Variants in SHISA6 observed in about 807,000 individuals in gnomAD.
SHISA6 encodes shisa family member 6, also known as protein shisa-6.
A neutral mutation model predicts 47.9 loss-of-function variants in SHISA6; 22 were observed. The observed-to-expected ratio is 0.46, with a 90% CI of 0.33 to 0.66. SHISA6 has a LOEUF of 0.66. Among genes scored for constraint, SHISA6 ranks in the 30% least tolerant of loss-of-function variants. The pLI, the probability that SHISA6 is intolerant of heterozygous loss-of-function variation, is 0.02. For missense variants in SHISA6, 680 were observed against 764.6 expected (o/e 0.89, Z 1.30); for synonymous variants, 388 against 337.8 (o/e 1.15, Z -1.63).
intron 2 of SHISA6, among the ~76,000 whole-genome samples, 170 bp downstream of exon 2, chr17:11,263,696 A>G (rs576103809): frequency 6.6e-6 from 1 of 152,230 alleles, no homozygotes; most frequent in East Asian, 1.9e-4. Flanking sequence ...TGAGTTTGGA[A>G]TGGGCAAGAC....
chr17:11,562,063 C>T lies in SHISA6; in HGVS notation c.*3759C>T, dbSNP rs1323437365. 1 of 152,200 alleles carries T rather than the reference C, an allele frequency of 6.6e-6. No homozygotes were observed. The highest frequency in any genetic ancestry group is 1.5e-5 in the Non-Finnish European group (1 of 68,150). The allele number at this position is 152,200 out of a possible 1,614,324, so 9.4% of individuals were successfully genotyped here. A position where few individuals can be genotyped will look rare whatever the true frequency, so the allele number is the denominator to read the frequency against. The stretch of plus-strand genomic sequence containing the variant: ...GAAGCTCCTGCTCTGGCCAAAGACT[C>T]CTATCCTTGAGGGCTCTCAGCCACT... On this transcript the variant is annotated 3_prime_UTR_variant, in exon 6 of 6. Coordinates refer to ENST00000441885, the MANE Select transcript of SHISA6 (RefSeq NM_207386.4).
intron 3 of SHISA6, among the ~76,000 whole-genome samples, chr17:11,439,038 G>A (rs1331734038): frequency 6.6e-6 from 1 of 152,104 alleles, no homozygotes; most frequent in Non-Finnish European, 1.5e-5. Flanking sequence ...ATTACAGGGG[G>A]TTCTGGGGAG....
intron 2 of SHISA6, among the ~76,000 whole-genome samples, chr17:11,281,090 C>T (rs1337509087): frequency 6.6e-6 from 1 of 152,124 alleles, no homozygotes; most frequent in Non-Finnish European, 1.5e-5. Context: ...TTTTTACAAA[C>T]AATTATACCA....
chr17:11,392,143 C>T (rs1913406029), intron 3 of SHISA6, among the ~76,000 whole-genome samples: 1 of 152,198 alleles, frequency 6.6e-6, no homozygotes, highest in Non-Finnish European at 1.5e-5. Context: ...GACTCTTGTT[C>T]TCTTCATCTG....
At chr17:11,418,780 A>G (rs528746033) in intron 3 of SHISA6, among the ~76,000 whole-genome samples, 1 of 152,312 alleles carries the variant, frequency 6.6e-6, no homozygotes, top group African/African-American at 2.4e-5. Context: ...TACTGCTGTC[A>G]TCACATTGTT....
chr17:11,300,669 C>CTTTTTTTT (rs201580011), intron 2 of SHISA6, among the ~76,000 whole-genome samples: 1 of 136,258 alleles, frequency 7.3e-6, no homozygotes, highest in Non-Finnish European at 1.6e-5. Context: ...TTTTCTTTTT[C>CTTTTTTTT]TTTTTTTTTT....
intron 2 of SHISA6, among the ~76,000 whole-genome samples, chr17:11,360,531 G>T (rs920779075): frequency 2.7e-5 from 4 of 150,632 alleles, no homozygotes; most frequent in African/African-American, 9.8e-5. Flanking sequence ...CTGCACTCCA[G>T]CCTGGGTGAC....
Position 11,423,239 on chromosome 17 carries a change from G to GTGTATA in SHISA6, c.895+43731_895+43732insGTATAT, listed in dbSNP as rs71367331. On this transcript the variant is annotated intron_variant, in intron 3 of 5. Transcript: ENST00000441885. ...TATGTGTGTGTGTGTGTGTGTGTGT[G>GTGTATA]TATATATATATATATAATATATATA... 8.9e-3 allele frequency among the ~76,000 whole-genome samples: 1,200 copies of GTGTATA among 134,608 alleles called. 24 individuals carry two copies. Among genetic ancestry groups the GTGTATA allele is most frequent in the African/African-American group, 0.03 (1,120 of 37,158 alleles). 88.3% of individuals were successfully genotyped at this position (134,608 alleles called of 152,430 possible). A position where few individuals can be genotyped will look rare whatever the true frequency, so the allele number is the denominator to read the frequency against.
At chr17:11,408,322 C>T (rs1914022103) in intron 3 of SHISA6, among the ~76,000 whole-genome samples, 1 of 152,104 alleles carries the variant, frequency 6.6e-6, no homozygotes, top group Non-Finnish European at 1.5e-5. Flanking sequence ...ATCAACATTC[C>T]CTAGAAACTT....
At chr17:11,380,282 T>G (rs1912967014) in intron 3 of SHISA6, 1 of 152,216 alleles carries the variant, frequency 6.6e-6, no homozygotes, top group Non-Finnish European at 1.5e-5. Flanking sequence ...TGTCTTCCCC[T>G]GAGATACGTG....
At chr17:11,501,816 G>C (rs2071456285) in intron 3 of SHISA6, among the ~76,000 whole-genome samples, 1 of 152,124 alleles carries the variant, frequency 6.6e-6, no homozygotes, top group South Asian at 2.1e-4. Context: ...CCTGCCTGCA[G>C]ATAGACAAGG....
At chr17:11,469,583 G>C (rs533832268) in intron 3 of SHISA6, among the ~76,000 whole-genome samples, 2 of 152,130 alleles carry the variant, frequency 1.3e-5, no homozygotes, top group Non-Finnish European at 2.9e-5. Flanking sequence ...GCAGGGGTTG[G>C]CGGGGGTTCC....
chr17:11,524,176 T>C (rs948195221), intron 3 of SHISA6, among the ~76,000 whole-genome samples: 4 of 152,098 alleles, frequency 2.6e-5, no homozygotes, highest in African/African-American at 7.2e-5. Context: ...CATCTGGTAA[T>C]AGGGCCCCGA....
intron 3 of SHISA6, among the ~76,000 whole-genome samples, chr17:11,521,622 TAGTGAGACCC>T (rs2071630646): frequency 1.0e-4 from 10 of 96,862 alleles, no homozygotes; most frequent in Non-Finnish European, 2.0e-4. Flanking sequence ...CAGGGCAACA[TAGTGAGACCC>T]CATCTCTACA....
At chr17:11,440,945 A>G (rs925722724) in intron 3 of SHISA6, among the ~76,000 whole-genome samples, 16 of 152,052 alleles carry the variant, frequency 1.1e-4, no homozygotes, top group African/African-American at 3.9e-4. Flanking sequence ...GCAAGAGGAA[A>G]GGAGGGAGGA....
At chr17:11,334,693 T>C (rs1312554613) in intron 2 of SHISA6, among the ~76,000 whole-genome samples, 1 of 152,200 alleles carries the variant, frequency 6.6e-6, no homozygotes, top group Non-Finnish European at 1.5e-5. Context: ...GACACTAGCA[T>C]GCTCCCCTGG....
At chr17:11,355,803 C>T (rs1385381148) in intron 2 of SHISA6, among the ~76,000 whole-genome samples, 1 of 152,176 alleles carries the variant, frequency 6.6e-6, no homozygotes, top group Non-Finnish European at 1.5e-5. Context: ...ATGAGTTAGA[C>T]AGAAGGGGGA....
At chr17:11,438,234 C>T (rs758229152) in intron 3 of SHISA6, among the ~76,000 whole-genome samples, 12 of 152,134 alleles carry the variant, frequency 7.9e-5, no homozygotes, top group Non-Finnish European at 1.0e-4. Flanking sequence ...TAAACTATTT[C>T]GACCATGTTT....
intron 3 of SHISA6, among the ~76,000 whole-genome samples, chr17:11,438,074 A>G (rs901084422): frequency 6.6e-6 from 1 of 152,058 alleles, no homozygotes; most frequent in Non-Finnish European, 1.5e-5. Flanking sequence ...GTCTCATACT[A>G]CCCTGCCAAC....
Sources: allele counts gnomAD v4.1 joint callset (sites outside exome capture counted in the v4.1 genomes callset), GRCh38; gene constraint gnomAD v4.1.1; transcripts MANE v1.5; gene names NCBI Gene and HGNC (gene_info 2026-07-23, HGNC 2026-07-21).